SGCZ: variants seen among roughly 807,000 people sequenced by gnomAD.
The protein encoded by SGCZ is sarcoglycan zeta, also known as zeta-sarcoglycan.
Under a neutral mutation model 41.3 loss-of-function variants are expected in SGCZ, and 40 were observed. The ratio of observed to expected loss-of-function variants is 0.97; its 90% CI spans 0.75 to 1.26. The LOEUF is 1.26. SGCZ is among the 50% of genes most tolerant of loss of function. SGCZ has a pLI of 0.00. For missense variants in SGCZ, 552 were observed against 369.8 expected (o/e 1.49, Z -4.04); for synonymous variants, 206 against 137.5 (o/e 1.50, Z -3.49).
At chr8:14,866,934 A>G (rs1386432603) in intron 1 of SGCZ, among the ~76,000 whole-genome samples, 1 of 152,112 alleles carries the variant, frequency 6.6e-6, no homozygotes. Flanking sequence ...TTTCTGAGAG[A>G]GCACGCTGTT....
chr8:15,216,785 AAGACTAGAATTAGGAGAGAATAAAAC>A (rs1418312061), intron 1 of SGCZ, among the ~76,000 whole-genome samples: 2 of 152,106 alleles, frequency 1.3e-5, no homozygotes, highest in Non-Finnish European at 1.5e-5. Flanking sequence ...TTACAAACAG[AAGACTAGAATTAGGAGAGAATAAAAC>A]AGACTAGAAT....
intron 4 of SGCZ, among the ~76,000 whole-genome samples, chr8:14,206,966 G>A (rs1805636595): frequency 6.6e-6 from 1 of 152,100 alleles, no homozygotes; most frequent in Non-Finnish European, 1.5e-5. Context: ...ATGTCACTTA[G>A]CCATGGACCC....
chr8:14,198,178 C>T (rs538203767), intron 4 of SGCZ, among the ~76,000 whole-genome samples: 1 of 152,298 alleles, frequency 6.6e-6, no homozygotes, highest in African/African-American at 2.4e-5. Flanking sequence ...CTCATTCTGT[C>T]CCACCTGGGA....
chr8:15,054,604 T>C (rs746209212), intron 1 of SGCZ, among the ~76,000 whole-genome samples: 1 of 152,170 alleles, frequency 6.6e-6, no homozygotes, highest in Non-Finnish European at 1.5e-5. Flanking sequence ...TTGAATGTGT[T>C]AGCTCTACCA....
chr8:14,902,250 T>C (rs1798991991), intron 1 of SGCZ, among the ~76,000 whole-genome samples: 1 of 152,104 alleles, frequency 6.6e-6, no homozygotes, highest in Non-Finnish European at 1.5e-5. Context: ...TCTACTGTTT[T>C]GAGTTTCTGG....
chr8:14,651,437 G>T (rs1235452852), intron 1 of SGCZ, among the ~76,000 whole-genome samples: 1 of 151,980 alleles, frequency 6.6e-6, no homozygotes, highest in Non-Finnish European at 1.5e-5. Context: ...TTCTTAAAAT[G>T]TTTTCTGATC....
intron 1 of SGCZ, among the ~76,000 whole-genome samples, chr8:14,582,694 T>G (rs1804932249): frequency 7.6e-6 from 1 of 131,076 alleles, no homozygotes; most frequent in Non-Finnish European, 1.6e-5. Context: ...GAGTGTGATG[T>G]TCCCCTTCCT....
At chr8:14,965,726 T>C (rs909329566) in intron 1 of SGCZ, among the ~76,000 whole-genome samples, 2 of 152,238 alleles carry the variant, frequency 1.3e-5, no homozygotes, top group African/African-American at 4.8e-5. Flanking sequence ...AATTTTCAAA[T>C]CTGTATTAAT....
At chr8:14,718,944 C>T (rs888569681) in intron 1 of SGCZ, among the ~76,000 whole-genome samples, 9 of 149,070 alleles carry the variant, frequency 6.0e-5, no homozygotes, top group African/African-American at 2.2e-4. Flanking sequence ...TGCTGCTGTG[C>T]TGCACCCATT....
chr8:14,228,928 C>T lies in SGCZ; in HGVS notation c.424+8664G>A, dbSNP rs563687288. Among the ~76,000 whole-genome samples, 18 of 152,194 alleles carry T rather than the reference C, an allele frequency of 1.2e-4. No homozygotes were observed. In the South Asian group the frequency reaches 3.1e-3, roughly 26 times the overall value. The stretch of plus-strand genomic sequence containing the variant: ...ACCCTTGGTCTTGAGAAGTAGAGGC[C>T]AATGCCATGCAAGAATGGTCTTTAG... On this transcript the variant is annotated intron_variant, in intron 4 of 7. Coordinates refer to ENST00000382080, the MANE Select transcript of SGCZ (RefSeq NM_139167.4).
chr8:14,419,166 A>T (rs963884520), intron 2 of SGCZ, among the ~76,000 whole-genome samples: 1 of 151,934 alleles, frequency 6.6e-6, no homozygotes, highest in African/African-American at 2.4e-5. Flanking sequence ...AATATAAAGG[A>T]TGATCTAAAA....
chr8:14,601,020 A>C (rs1181920297), intron 1 of SGCZ, among the ~76,000 whole-genome samples: 3 of 150,266 alleles, frequency 2.0e-5, no homozygotes, highest in Non-Finnish European at 4.4e-5. Context: ...TATATGTTTT[A>C]TGCATTTTAT....
intron 1 of SGCZ, among the ~76,000 whole-genome samples, chr8:14,720,675 T>C (rs896770482): frequency 2.6e-5 from 4 of 152,074 alleles, no homozygotes; most frequent in Non-Finnish European, 4.4e-5. Context: ...ATTTAAATAT[T>C]GTCTACTTCT....
chr8:14,367,775 C>T (rs1197548179), intron 2 of SGCZ, among the ~76,000 whole-genome samples: 2 of 152,078 alleles, frequency 1.3e-5, no homozygotes, highest in African/African-American at 2.4e-5. Flanking sequence ...TCCCTAAACA[C>T]TTGGGGACTG....
intron 2 of SGCZ, among the ~76,000 whole-genome samples, chr8:14,374,633 T>C (rs533844142): frequency 2.6e-4 from 39 of 152,040 alleles, no homozygotes; most frequent in African/African-American, 8.9e-4. Flanking sequence ...TGGCCATAAA[T>C]ACATAGGGAG....
chr8:15,142,590 C>T (rs1228057381), intron 1 of SGCZ, among the ~76,000 whole-genome samples: 2 of 151,958 alleles, frequency 1.3e-5, no homozygotes, highest in East Asian at 1.9e-4. Context: ...CCCCCAATTA[C>T]CATCCAGTCT....
At chr8:14,512,527 G>A (rs1802494979) in intron 2 of SGCZ, among the ~76,000 whole-genome samples, 3 of 151,960 alleles carry the variant, frequency 2.0e-5, no homozygotes, top group Middle Eastern at 3.4e-3. Context: ...GTGGCAGGAC[G>A]ATAGCTGACT....
intron 3 of SGCZ, among the ~76,000 whole-genome samples, chr8:14,264,239 T>C (rs906276862): frequency 2.6e-5 from 4 of 152,170 alleles, no homozygotes; most frequent in East Asian, 3.9e-4. Flanking sequence ...CCCTCAATTT[T>C]AGGCAGCACA....
intron 1 of SGCZ, among the ~76,000 whole-genome samples, chr8:14,888,092 T>G (rs1261888600): frequency 6.6e-6 from 1 of 152,102 alleles, no homozygotes; most frequent in African/African-American, 2.4e-5. Flanking sequence ...TATATATAAT[T>G]TGTCAAGATG....
Sources: gnomAD v4.1 joint callset for allele counts (sites outside exome capture counted in the v4.1 genomes callset) on GRCh38, gnomAD v4.1.1 for gene constraint, MANE v1.5 for transcripts, NCBI Gene and HGNC (gene_info 2026-07-23, HGNC 2026-07-21) for gene names.